MITF: variants seen among roughly 807,000 people sequenced by gnomAD.
MITF encodes the protein melanocyte inducing transcription factor, also known as microphthalmia-associated transcription factor.
MITF carries 17 observed loss-of-function variants against 60.5 expected under a neutral mutation model. That is an observed-to-expected ratio of 0.28 (90% confidence interval 0.19 to 0.42). The LOEUF is 0.42. Among genes scored for constraint, MITF ranks in the 10% least tolerant of loss-of-function variants. The probability of loss-of-function intolerance (pLI) is 1.00; values close to 1 mark genes in which losing one functional copy is unlikely to be tolerated. For synonymous variants in MITF, 260 were observed against 248.5 expected, an observed-to-expected ratio of 1.05 and a Z score of -0.43; for missense variants, 622 against 683.5, an observed-to-expected ratio of 0.91 and a Z score of 1.00.
At chr3:69,935,100 T>TC in intron 2 of MITF, among the ~76,000 whole-genome samples, 1 of 152,310 alleles carries the variant, frequency 6.6e-6, no homozygotes, top group African/African-American at 2.4e-5. Flanking sequence ...ATTACCTTCC[T>TC]CGTAGCTCAT....
intron 1 of MITF, among the ~76,000 whole-genome samples, chr3:69,874,346 G>T (rs2064304777): frequency 6.6e-6 from 1 of 152,140 alleles, no homozygotes; most frequent in Admixed American, 6.5e-5. Flanking sequence ...GTCCAAACTT[G>T]CACATAGGCA....
intron 2 of MITF, among the ~76,000 whole-genome samples, chr3:69,933,076 G>T (rs116110341): frequency 9.2e-4 from 140 of 152,098 alleles, no homozygotes; most frequent in African/African-American, 3.3e-3. Flanking sequence ...CTACTCAGGA[G>T]GCTGAAGTGG....
At chr3:69,760,590 C>A (rs1039396443) in intron 1 of MITF, among the ~76,000 whole-genome samples, 23 of 152,186 alleles carry the variant, frequency 1.5e-4, no homozygotes, top group Non-Finnish European at 2.5e-4. Flanking sequence ...TTGGGAGTTG[C>A]CATGGCATTT....
chr3:69,744,080 G>A (rs1350788431), intron 1 of MITF, among the ~76,000 whole-genome samples: 1 of 152,226 alleles, frequency 6.6e-6, no homozygotes, highest in Non-Finnish European at 1.5e-5. Flanking sequence ...TGGCAGGACA[G>A]GATACAGCAG....
At position 69,965,129 on chromosome 3, in the gene MITF, G is replaced by A. The variant is rs753927745; in HGVS notation, c.1462G>A (p.Asp488Asn). ...CAAACTGGAAGACATCCTGATGGAC[G>A]ACACCCTTTCTCCCGTCGGTGTCAC... ...GSKLEDILMD[D>N]TLSPVGVTDP... is the part of the protein sequence containing the mutation. The change falls in exon 10 of 10, where the codon GAC becomes AAC. Residue 488 changes from aspartate (D) to asparagine (N), a missense_variant. Transcript: ENST00000352241. 18 of 1,613,966 alleles carry A rather than the reference G, an allele frequency of 1.1e-5. No homozygotes were observed. Among genetic ancestry groups the A allele is most frequent in the East Asian group, 6.7e-5 (3 of 44,872 alleles).
At chr3:69,895,204 T>C (rs979214468) in intron 2 of MITF, among the ~76,000 whole-genome samples, 11 of 152,222 alleles carry the variant, frequency 7.2e-5, no homozygotes, top group African/African-American at 2.7e-4. Flanking sequence ...AAGTGTTAGA[T>C]ACATAAAACA....
intron 1 of MITF, among the ~76,000 whole-genome samples, chr3:69,809,223 G>T (rs554018739): frequency 1.9e-4 from 29 of 152,222 alleles, no homozygotes; most frequent in African/African-American, 7.0e-4. Context: ...CAGAAAATAG[G>T]ATAAGGAATG....
At chr3:69,803,733 T>C (rs2062959076) in intron 1 of MITF, among the ~76,000 whole-genome samples, 1 of 152,144 alleles carries the variant, frequency 6.6e-6, no homozygotes, top group Non-Finnish European at 1.5e-5. Context: ...GCCTTGCTTC[T>C]CAACAGTTTG....
chr3:69,871,563 G>A (rs979120008), intron 1 of MITF, among the ~76,000 whole-genome samples: 1 of 152,208 alleles, frequency 6.6e-6, no homozygotes, highest in Non-Finnish European at 1.5e-5. Context: ...ACCATGACAG[G>A]TGTACCCATT....
chr3:69,883,978 G>A (rs1175605878), intron 2 of MITF, among the ~76,000 whole-genome samples: 1 of 152,092 alleles, frequency 6.6e-6, no homozygotes, highest in Non-Finnish European at 1.5e-5. Flanking sequence ...TCCTCATTCA[G>A]GGGGAGAAAG....
At chr3:69,791,186 G>A (rs1206224147) in intron 1 of MITF, among the ~76,000 whole-genome samples, 1 of 152,194 alleles carries the variant, frequency 6.6e-6, no homozygotes, top group Non-Finnish European at 1.5e-5. Flanking sequence ...AGTTTTTGAA[G>A]GGTCTAAAGC....
At chr3:69,963,808 A>G (rs924166005) in intron 9 of MITF, among the ~76,000 whole-genome samples, 1 of 152,180 alleles carries the variant, frequency 6.6e-6, no homozygotes, top group Non-Finnish European at 1.5e-5. Flanking sequence ...TCTTGAGTTT[A>G]GTAGTTCTCA....
intron 1 of MITF, among the ~76,000 whole-genome samples, chr3:69,868,045 C>G (rs1204488675): frequency 6.6e-6 from 1 of 152,164 alleles, no homozygotes; most frequent in East Asian, 1.9e-4. Context: ...AGGCAGCATT[C>G]TAGAATTTTG....
intron 2 of MITF, among the ~76,000 whole-genome samples, chr3:69,926,748 TA>T (rs1202184527): frequency 2.6e-5 from 4 of 152,158 alleles, no homozygotes; most frequent in African/African-American, 9.7e-5. Flanking sequence ...GGAAAAACCA[TA>T]AAAATGTGTC....
chr3:69,866,038 C>T (rs777950995), intron 1 of MITF, among the ~76,000 whole-genome samples: 5 of 152,212 alleles, frequency 3.3e-5, no homozygotes, highest in African/African-American at 4.8e-5. Context: ...CCTCCCTGGC[C>T]GTGCCTGGGT....
chr3:69,935,603 G>A (rs1330093341), intron 2 of MITF, among the ~76,000 whole-genome samples: 3 of 152,116 alleles, frequency 2.0e-5, no homozygotes, highest in African/African-American at 2.4e-5. Flanking sequence ...CTAACGGACT[G>A]CATTATCCTG....
At chr3:69,872,722 A>T (rs1288005107) in intron 1 of MITF, among the ~76,000 whole-genome samples, 1 of 152,302 alleles carries the variant, frequency 6.6e-6, no homozygotes, top group Admixed American at 6.5e-5. Context: ...CAGCTTAAAA[A>T]AAATGTGGAG....
rs2066716958 is a variant in MITF at position 69,967,435 on chromosome 3, C to T, written c.*2187C>T. ...GGCGCTGGATGCAAAAGTTGAAGAT[C>T]GTGATGCTATGATGTTAGTTTTCCT... On this transcript the variant is annotated 3_prime_UTR_variant, in exon 10 of 10. Coordinates refer to ENST00000352241, the MANE Select transcript of MITF (RefSeq NM_001354604.2). The T allele has an allele frequency of 4.3e-6, 1 of 233,132 alleles. No individual in the cohort carries two copies. Among genetic ancestry groups the T allele is most frequent in the Admixed American group, 5.6e-5 (1 of 17,770 alleles). The allele number at this position is 233,132 out of a possible 1,614,324, so 14.4% of individuals were successfully genotyped here.
At chr3:69,963,391 C>T (rs540002737) in intron 9 of MITF, among the ~76,000 whole-genome samples, 3 of 152,280 alleles carry the variant, frequency 2.0e-5, no homozygotes, top group East Asian at 3.9e-4. Context: ...TACTTCATGG[C>T]ACTCTTAGTG....
Sources: gnomAD v4.1 joint callset for allele counts (sites outside exome capture counted in the v4.1 genomes callset) on GRCh38, gnomAD v4.1.1 for gene constraint, MANE v1.5 for transcripts, NCBI Gene and HGNC (gene_info 2026-07-23, HGNC 2026-07-21) for gene names.